Variants in AGBL4 observed in about 807,000 individuals in gnomAD.
AGBL4 encodes cytosolic carboxypeptidase 6.
A neutral mutation model predicts 66.4 loss-of-function variants in AGBL4; 58 were observed. The observed-to-expected ratio is 0.87, with a 90% CI of 0.71 to 1.09. The LOEUF (loss-of-function observed/expected upper bound fraction) is 1.09. Among genes scored for constraint, AGBL4 ranks in the 50% least tolerant of loss-of-function variants. AGBL4 has a pLI of 0.00. For synonymous variants in AGBL4, 234 were observed against 222.9 expected (o/e 1.05, Z -0.44); for missense variants, 579 against 631.0 (o/e 0.92, Z 0.88).
chr1:49,999,685 C>G (rs1660609309), intron 1 of AGBL4, among the ~76,000 whole-genome samples: 1 of 151,498 alleles, frequency 6.6e-6, no homozygotes, highest in African/African-American at 2.4e-5. Flanking sequence ...CAAACTATAT[C>G]ATAAGGCCAA....
At chr1:49,458,167 T>C (rs1352452810) in intron 3 of AGBL4, among the ~76,000 whole-genome samples, 2 of 151,890 alleles carry the variant, frequency 1.3e-5, no homozygotes, top group Non-Finnish European at 2.9e-5. Context: ...ACAATATTGA[T>C]TGTACCCATC....
chr1:49,549,325 G>C (rs957150226), intron 3 of AGBL4, among the ~76,000 whole-genome samples: 10 of 150,374 alleles, frequency 6.7e-5, no homozygotes, highest in African/African-American at 2.0e-4. Context: ...TGCTGGGTTT[G>C]GGTTTGGTTT....
chr1:48,793,183 C>A (rs1645592417), intron 6 of AGBL4, among the ~76,000 whole-genome samples: 1 of 152,120 alleles, frequency 6.6e-6, no homozygotes, highest in Non-Finnish European at 1.5e-5. Context: ...AGCCTCTCTG[C>A]CAGATAATTA....
At position 48,590,866 on chromosome 1, in the gene AGBL4, C is replaced by G; in HGVS notation, c.1071G>C (p.Lys357Asn). The G allele has an allele frequency of 1.2e-6, 2 of 1,604,958 alleles. No homozygotes were observed. The highest frequency in any genetic ancestry group is 1.7e-6 in the Non-Finnish European group (2 of 1,175,740). Residue 357 changes from lysine to asparagine, a missense_variant, in exon 10 of 14, where the codon AAG (lysine) becomes AAC (asparagine). Transcript: ENST00000371839. The stretch of plus-strand genomic sequence containing the variant: ...AGTCCTCAGCATTCTGGCAGAGGAG[C>G]TTGGGAAAAATGGCCTGCCTCTGGA... ...ERFQRQAIFP[K>N]LLCQNAEDFS...
At chr1:48,913,246 G>T (rs1216235473) in intron 5 of AGBL4, among the ~76,000 whole-genome samples, 2 of 152,102 alleles carry the variant, frequency 1.3e-5, no homozygotes, top group African/African-American at 4.8e-5. Flanking sequence ...GAGGTAATGG[G>T]GGAAAGGACA....
intron 2 of AGBL4, among the ~76,000 whole-genome samples, chr1:49,808,374 G>T (rs918040875): frequency 3.3e-5 from 5 of 152,146 alleles, no homozygotes; most frequent in African/African-American, 9.7e-5. Flanking sequence ...GAGGCTCAAT[G>T]TTGAAAAGAC....
intron 5 of AGBL4, among the ~76,000 whole-genome samples, chr1:48,898,725 G>A (rs1249106660): frequency 6.6e-6 from 1 of 152,100 alleles, no homozygotes; most frequent in Non-Finnish European, 1.5e-5. Context: ...CTGGTAGTGT[G>A]ATGCTTCCAG....
intron 6 of AGBL4, among the ~76,000 whole-genome samples, chr1:48,750,568 T>G (rs1570496182): frequency 6.6e-6 from 1 of 152,318 alleles, no homozygotes; most frequent in Non-Finnish European, 1.5e-5. Flanking sequence ...ATCCCAACTG[T>G]CTGCTGTTGA....
intron 6 of AGBL4, among the ~76,000 whole-genome samples, chr1:48,764,436 T>C (rs1644429932): frequency 1.3e-5 from 2 of 151,944 alleles, no homozygotes; most frequent in Non-Finnish European, 2.9e-5. Flanking sequence ...TAAAGGATGG[T>C]AAGAATCTGG....
At chr1:49,480,117 G>A (rs1460035576) in intron 3 of AGBL4, among the ~76,000 whole-genome samples, 1 of 151,866 alleles carries the variant, frequency 6.6e-6, no homozygotes, top group Admixed American at 6.6e-5. Context: ...CTTTATAATA[G>A]AAAAATTACA....
chr1:49,166,578 G>A (rs1362681080), intron 4 of AGBL4, among the ~76,000 whole-genome samples: 1 of 151,650 alleles, frequency 6.6e-6, no homozygotes, highest in Non-Finnish European at 1.5e-5. Context: ...GACTTGAGTT[G>A]AATAAAGTAT....
intron 2 of AGBL4, among the ~76,000 whole-genome samples, chr1:49,790,020 A>G (rs576921862): frequency 2.5e-4 from 38 of 152,284 alleles, no homozygotes; most frequent in African/African-American, 2.4e-4. Flanking sequence ...CTTGAGAAAT[A>G]ACGCCACACA....
chr1:48,627,309 C>T (rs1190214409), intron 9 of AGBL4, among the ~76,000 whole-genome samples: 1 of 151,966 alleles, frequency 6.6e-6, no homozygotes, highest in Non-Finnish European at 1.5e-5. Flanking sequence ...TGTTTATGTG[C>T]CTGTTTTTAT....
chr1:49,174,264 A>G (rs1239085502), intron 4 of AGBL4, among the ~76,000 whole-genome samples: 1 of 152,086 alleles, frequency 6.6e-6, no homozygotes, highest in East Asian at 1.9e-4. Flanking sequence ...ATTTTTATAA[A>G]ATCTCTATAT....
Position 48,972,913 on chromosome 1 carries a change from T to C in AGBL4, c.594+72671A>G, listed in dbSNP as rs192398403. Among the ~76,000 whole-genome samples, 143 of 152,292 alleles carry C rather than the reference T, an allele frequency of 9.4e-4. 2 individuals carry two copies. The highest frequency in any genetic ancestry group is 8.8e-5 in the Non-Finnish European group (6 of 68,022). On this transcript the variant is annotated intron_variant, in intron 5 of 13. Coordinates refer to ENST00000371839, the MANE Select transcript of AGBL4 (RefSeq NM_032785.4). Reference sequence around the variant, plus strand: ...GAACAATTAGAAGACTCTTATTCCATGTAACCCTAAAATATACCTTTTGAT... The same window carrying C: ...GAACAATTAGAAGACTCTTATTCCACGTAACCCTAAAATATACCTTTTGAT...
chr1:49,567,794 G>A (rs1644243812), intron 3 of AGBL4, among the ~76,000 whole-genome samples: 1 of 151,992 alleles, frequency 6.6e-6, no homozygotes, highest in South Asian at 2.1e-4. Flanking sequence ...GAAAACTTCA[G>A]GCAAGGTTTG....
At chr1:48,895,286 C>T (rs894511464) in intron 5 of AGBL4, among the ~76,000 whole-genome samples, 4 of 152,174 alleles carry the variant, frequency 2.6e-5, no homozygotes, top group African/African-American at 7.2e-5. Context: ...GCTTGTTGAC[C>T]GTCAGGCATG....
intron 5 of AGBL4, among the ~76,000 whole-genome samples, chr1:49,008,970 A>G (rs1339775271): frequency 2.0e-5 from 3 of 150,718 alleles, no homozygotes; most frequent in East Asian, 3.9e-4. Flanking sequence ...TAAAAGAACT[A>G]GAAAAGCAAG....
chr1:49,025,923 A>G (rs190916811), intron 5 of AGBL4, among the ~76,000 whole-genome samples: 81 of 152,290 alleles, frequency 5.3e-4, no homozygotes, highest in African/African-American at 1.5e-3. Flanking sequence ...TGCTCAGAGA[A>G]TGGGAGTTTT....
Sources: gnomAD v4.1 joint callset for allele counts (sites outside exome capture counted in the v4.1 genomes callset) on GRCh38, gnomAD v4.1.1 for gene constraint, MANE v1.5 for transcripts, NCBI Gene and HGNC (gene_info 2026-07-23, HGNC 2026-07-21) for gene names.